Variants in TRIM44 observed in about 807,000 individuals in gnomAD.
TRIM44 encodes the protein tripartite motif-containing protein 44.
TRIM44 carries 13 observed loss-of-function variants against 37.4 expected under a neutral mutation model. That is an observed-to-expected ratio of 0.35 (90% confidence interval 0.23 to 0.55). The LOEUF is 0.55. Among genes scored for constraint, TRIM44 ranks in the 20% least tolerant of loss-of-function variants. The pLI is 0.89. For missense variants in TRIM44, 426 were observed against 437.2 expected (o/e 0.97, Z 0.23); for synonymous variants, 175 against 157.2 (o/e 1.11, Z -0.85).
At chr11:35,695,393 A>G (rs1042788012) in intron 2 of TRIM44, among the ~76,000 whole-genome samples, 1 of 152,104 alleles carries the variant, frequency 6.6e-6, no homozygotes, top group Non-Finnish European at 1.5e-5. Flanking sequence ...TATCTAAACA[A>G]TTTCAGTATT....
At chr11:35,796,216 G>A (rs564118910) in intron 4 of TRIM44, among the ~76,000 whole-genome samples, 20 of 151,908 alleles carry the variant, frequency 1.3e-4, no homozygotes, top group Admixed American at 5.9e-4. Flanking sequence ...ACTGTTTTCT[G>A]TGTGTGTGTG....
Position 35,663,209 on chromosome 11 carries a change from G to A in TRIM44, c.98G>A (p.Cys33Tyr), listed in dbSNP as rs760139890. The A allele has an allele frequency of 6.2e-7, 1 of 1,601,824 alleles. No homozygotes were observed. The highest frequency in any genetic ancestry group is 1.3e-5 in the African/African-American group (1 of 74,718). Residue 33 changes from cysteine to tyrosine, a missense_variant, in exon 1 of 5, where the codon TGC becomes TAC. By Grantham distance (194) the Cys-to-Tyr change is radical. Coordinates refer to ENST00000299413, the MANE Select transcript of TRIM44 (RefSeq NM_017583.6). ...GAGGCTCCGGGGGCCGAGGAAGTGTGCCGAGAATGCGGCTTCTGCTACTGC... is the reference window on the plus strand; with the variant it reads ...GAGGCTCCGGGGGCCGAGGAAGTGTACCGAGAATGCGGCTTCTGCTACTGC... ...PDEAPGAEEV[C>Y]RECGFCYCRR...
rs1853595705 is a variant in TRIM44, at chr11:35,817,715, G to A, written c.*11330G>A. 1 of 152,216 alleles carries A rather than the reference G, an allele frequency of 6.6e-6. No homozygotes were observed. Among genetic ancestry groups the A allele is most frequent in the African/African-American group, 2.4e-5 (1 of 41,452 alleles). The allele number at this position is 152,216 out of a possible 1,614,324, so 9.4% of individuals were successfully genotyped here. A position where few individuals can be genotyped will look rare whatever the true frequency, so the allele number is the denominator to read the frequency against. On this transcript the variant is annotated 3_prime_UTR_variant, in exon 5 of 5. Transcript: ENST00000299413. Reference sequence around the variant, plus strand: ...ATGTTGAAATGTAATCCCCAATGCTGGAGGTGGGACCTGGTGGGAAGATTG... The same window carrying A: ...ATGTTGAAATGTAATCCCCAATGCTAGAGGTGGGACCTGGTGGGAAGATTG...
At chr11:35,699,989 A>G (rs919688469) in intron 2 of TRIM44, among the ~76,000 whole-genome samples, 6 of 152,210 alleles carry the variant, frequency 3.9e-5, no homozygotes, top group African/African-American at 1.4e-4. Context: ...GCTCATGGGT[A>G]GGAAGAATCA....
At chr11:35,784,494 C>A (rs969876739) in intron 4 of TRIM44, among the ~76,000 whole-genome samples, 6 of 152,024 alleles carry the variant, frequency 3.9e-5, no homozygotes, top group Non-Finnish European at 7.4e-5. Flanking sequence ...TCAGAAGTTG[C>A]CTCTTAATAA....
At chr11:35,748,013 C>T (rs1852512046) in intron 4 of TRIM44, among the ~76,000 whole-genome samples, 1 of 152,118 alleles carries the variant, frequency 6.6e-6, no homozygotes, top group Non-Finnish European at 1.5e-5. Flanking sequence ...TTTTGGCACT[C>T]GTTCCCTCAG....
At position 35,815,002 on chromosome 11, in the gene TRIM44, T is replaced by C. The variant is rs1565049752; in HGVS notation, c.*8617T>C. On this transcript the variant is annotated 3_prime_UTR_variant, in exon 5 of 5. Transcript: ENST00000299413. ...ACTGCTCAGCTTGAGGAGGCAGGCA[T>C]TGCTCCTTCATATTTCAGGGTGAGA... 2 of 152,152 alleles carry C rather than the reference T, an allele frequency of 1.3e-5. No individual in the cohort carries two copies. The highest frequency in any genetic ancestry group is 2.9e-5 in the Non-Finnish European group (2 of 68,036). 9.4% of individuals were successfully genotyped at this position (152,152 alleles called of 1,614,324 possible).
intron 3 of TRIM44, among the ~76,000 whole-genome samples, chr11:35,728,255 G>A (rs1196512114): frequency 1.3e-5 from 2 of 152,174 alleles, no homozygotes; most frequent in African/African-American, 2.4e-5. Context: ...GAACCCAGGA[G>A]GTGGAGGTTG....
intron 4 of TRIM44, among the ~76,000 whole-genome samples, chr11:35,775,401 CAT>C (rs1374222557): frequency 1.3e-5 from 2 of 152,314 alleles, no homozygotes; most frequent in Non-Finnish European, 2.9e-5. Context: ...AATATACAAT[CAT>C]ATTATCTGCA....
intron 2 of TRIM44, among the ~76,000 whole-genome samples, chr11:35,720,008 G>A (rs569672839): frequency 6.6e-6 from 1 of 152,072 alleles, no homozygotes; most frequent in Non-Finnish European, 1.5e-5. Flanking sequence ...TCAATATTGG[G>A]TTGACTGTTC....
intron 4 of TRIM44, among the ~76,000 whole-genome samples, chr11:35,747,023 G>A (rs1309953079): frequency 6.6e-6 from 1 of 152,162 alleles, no homozygotes; most frequent in Non-Finnish European, 1.5e-5. Context: ...GAAAAACAGT[G>A]CAAAGAGGGA....
rs1160070523 is a variant in TRIM44 at position 35,815,160 on chromosome 11, T to C, written c.*8775T>C. The stretch of plus-strand genomic sequence containing the variant: ...CAAATTAAGAGGAGGTTAGCTACTT[T>C]CCCTGGCTCTTAAAAACATTTGAGT... On this transcript the variant is annotated 3_prime_UTR_variant, in exon 5 of 5. Transcript: ENST00000299413. The C allele has an allele frequency of 6.6e-6, 1 of 152,192 alleles. No individual in the cohort carries two copies. Among genetic ancestry groups the C allele is most frequent in the Admixed American group, 6.5e-5 (1 of 15,276 alleles). 9.4% of individuals were successfully genotyped at this position (152,192 alleles called of 1,614,324 possible). A position where few individuals can be genotyped will look rare whatever the true frequency, so the allele number is the denominator to read the frequency against.
chr11:35,806,143 A>G (rs1362108820), intron 4 of TRIM44, among the ~76,000 whole-genome samples: 1 of 152,182 alleles, frequency 6.6e-6, no homozygotes, highest in African/African-American at 2.4e-5. Context: ...GTAACTCAAG[A>G]AAGTAAGTTT....
At chr11:35,767,550 A>G (rs535348092) in intron 4 of TRIM44, among the ~76,000 whole-genome samples, 1 of 151,640 alleles carries the variant, frequency 6.6e-6, no homozygotes, top group East Asian at 2.0e-4. Context: ...CTGTGGTGGG[A>G]TAATGAGGAA....
chr11:35,780,496 A>G (rs907283443), intron 4 of TRIM44, among the ~76,000 whole-genome samples: 7 of 152,158 alleles, frequency 4.6e-5, no homozygotes, highest in South Asian at 2.1e-4. Context: ...GGGATTCTAC[A>G]TTGCTTTTTA....
At chr11:35,684,816 C>A (rs1032118880) in intron 1 of TRIM44, among the ~76,000 whole-genome samples, 1 of 152,132 alleles carries the variant, frequency 6.6e-6, no homozygotes, top group Non-Finnish European at 1.5e-5. Context: ...ACTACAGTTC[C>A]ATTCATAATT....
chr11:35,729,179 A>G (rs995586576), intron 3 of TRIM44, among the ~76,000 whole-genome samples: 1 of 152,162 alleles, frequency 6.6e-6, no homozygotes, highest in Non-Finnish European at 1.5e-5. Flanking sequence ...GACAAAAAAA[A>G]AATACCCAAG....
chr11:35,686,375 T>G (rs975020639), intron 2 of TRIM44, among the ~76,000 whole-genome samples: 4 of 133,922 alleles, frequency 3.0e-5, no homozygotes, highest in African/African-American at 1.2e-4. Flanking sequence ...TTTGTTTTTG[T>G]TTTTTTTTTT....
intron 4 of TRIM44, among the ~76,000 whole-genome samples, chr11:35,740,649 A>C (rs956216261): frequency 2.9e-4 from 44 of 152,192 alleles, no homozygotes; most frequent in African/African-American, 1.1e-3. Flanking sequence ...GAGAGTCAGC[A>C]GACCTAGCTT....
Sources: allele counts gnomAD v4.1 joint callset (sites outside exome capture counted in the v4.1 genomes callset), GRCh38; gene constraint gnomAD v4.1.1; transcripts MANE v1.5; gene names NCBI Gene and HGNC (gene_info 2026-07-23, HGNC 2026-07-21).